Variants in SLC4A4 observed in about 807,000 individuals in gnomAD.
SLC4A4 encodes electrogenic sodium bicarbonate cotransporter 1.
A neutral mutation model predicts 111.5 loss-of-function variants in SLC4A4; 27 were observed. That is an observed-to-expected ratio of 0.24 (90% CI 0.18 to 0.33). SLC4A4 has a LOEUF of 0.33. Among genes scored for constraint, SLC4A4 ranks in the 10% least tolerant of loss-of-function variants. SLC4A4 has a pLI of 1.00. For synonymous variants in SLC4A4, 443 were observed against 463.4 expected, an observed-to-expected ratio of 0.96 and a Z score of 0.57; for missense variants, 909 against 1,315.5, an observed-to-expected ratio of 0.69 and a Z score of 4.78.
intron 16 of SLC4A4, among the ~76,000 whole-genome samples, chr4:71,510,254 A>G (rs183202800): frequency 6.6e-6 from 1 of 152,348 alleles, no homozygotes; most frequent in Admixed American, 6.5e-5. Context: ...ACGAAGCAGA[A>G]GGATGCCTTT....
intron 7 of SLC4A4, among the ~76,000 whole-genome samples, chr4:71,402,032 T>C (rs1470382972): frequency 6.6e-6 from 1 of 152,224 alleles, no homozygotes; most frequent in African/African-American, 2.4e-5. Flanking sequence ...CTAAAGCATA[T>C]TAGAATCATT....
chr4:71,239,907 ATATT>A (rs1302179723), intron 2 of SLC4A4, among the ~76,000 whole-genome samples: 1 of 152,132 alleles, frequency 6.6e-6, no homozygotes, highest in African/African-American at 2.4e-5. Flanking sequence ...TCAGATATTC[ATATT>A]TATTTCTTTA....
intron 3 of SLC4A4, among the ~76,000 whole-genome samples, chr4:71,260,871 A>G (rs141017979): frequency 8.5e-5 from 13 of 152,358 alleles, no homozygotes; most frequent in African/African-American, 1.9e-4. Context: ...CACTGCATGT[A>G]GTCAGCAATA....
intron 1 of SLC4A4, among the ~76,000 whole-genome samples, chr4:71,088,631 C>T (rs923825721): frequency 1.3e-5 from 2 of 151,964 alleles, no homozygotes; most frequent in Non-Finnish European, 2.9e-5. Context: ...ATTTGCTTGT[C>T]TGTAAAGGAT....
chr4:71,362,874 C>T (rs1730920529), intron 6 of SLC4A4, among the ~76,000 whole-genome samples: 1 of 152,138 alleles, frequency 6.6e-6, no homozygotes, highest in Non-Finnish European at 1.5e-5. Flanking sequence ...ATGCCTTCTC[C>T]TGGTGCCCGT....
chr4:71,566,706 C>A (rs1737500441), intron 24 of SLC4A4, among the ~76,000 whole-genome samples: 1 of 151,592 alleles, frequency 6.6e-6, no homozygotes. Context: ...GAAGGAAATC[C>A]AAAAGCAAGC....
chr4:71,164,872 A>G (rs1578541516), intron 2 of SLC4A4, among the ~76,000 whole-genome samples: 1 of 151,166 alleles, frequency 6.6e-6, no homozygotes, highest in Non-Finnish European at 1.5e-5. Flanking sequence ...AAACAAAAAA[A>G]CCATCAAAAA....
intron 1 of SLC4A4, among the ~76,000 whole-genome samples, chr4:71,068,735 G>C (rs939271086): frequency 6.6e-6 from 1 of 151,678 alleles, no homozygotes; most frequent in Non-Finnish European, 1.5e-5. Context: ...CTAATTTTTT[G>C]CATTTTTTTG....
chr4:71,246,782 G>A (rs1720692213), intron 2 of SLC4A4, among the ~76,000 whole-genome samples: 1 of 152,090 alleles, frequency 6.6e-6, no homozygotes. Context: ...AGGGATGGGT[G>A]GAGGACTGGT....
intron 7 of SLC4A4, among the ~76,000 whole-genome samples, chr4:71,426,928 A>G (rs182584593): frequency 6.6e-6 from 1 of 152,212 alleles, no homozygotes; most frequent in East Asian, 1.9e-4. Flanking sequence ...ACCCTTAAGT[A>G]TTCCCCACCA....
intron 20 of SLC4A4, among the ~76,000 whole-genome samples, chr4:71,551,118 C>T (rs1361340490): frequency 1.3e-5 from 2 of 151,824 alleles, no homozygotes; most frequent in Non-Finnish European, 2.9e-5. Context: ...GGCTAAAGAG[C>T]ATCAAAAAGA....
At chr4:71,258,894 G>A (rs957087995) in intron 3 of SLC4A4, among the ~76,000 whole-genome samples, 1 of 152,130 alleles carries the variant, frequency 6.6e-6, no homozygotes, top group Non-Finnish European at 1.5e-5. Flanking sequence ...TGAACCGCAA[G>A]GCACATTAAT....
chr4:71,212,068 C>G (rs1718169783), intron 1 of SLC4A4, among the ~76,000 whole-genome samples: 1 of 152,170 alleles, frequency 6.6e-6, no homozygotes, highest in African/African-American at 2.4e-5. Flanking sequence ...AAGATGCCAT[C>G]TAAGAAAATC....
At chr4:71,093,786 T>TA (rs1475352741) in intron 2 of SLC4A4, among the ~76,000 whole-genome samples, 3 of 152,196 alleles carry the variant, frequency 2.0e-5, no homozygotes, top group Admixed American at 6.5e-5. Flanking sequence ...TTGTTGGTCT[T>TA]ACAATGGTGG....
At chr4:71,300,948 C>A (rs766897260) in intron 3 of SLC4A4, 1 of 520,574 alleles carries the variant, frequency 1.9e-6, no homozygotes. Context: ...GTTGTTAGTG[C>A]CATAGATCAG....
chr4:71,116,802 G>A (rs992198342), intron 2 of SLC4A4, among the ~76,000 whole-genome samples: 3 of 152,108 alleles, frequency 2.0e-5, no homozygotes, highest in Non-Finnish European at 4.4e-5. Context: ...AATTAGTTGG[G>A]CATGATGGCA....
chr4:71,134,261 C>T (rs1417902945), intron 2 of SLC4A4, among the ~76,000 whole-genome samples: 1 of 152,192 alleles, frequency 6.6e-6, no homozygotes, highest in African/African-American at 2.4e-5. Context: ...AAGCTATACT[C>T]CCAGATTCCT....
At chr4:71,495,017 T>C (rs1452000476) in intron 15 of SLC4A4, among the ~76,000 whole-genome samples, 2 of 152,116 alleles carry the variant, frequency 1.3e-5, no homozygotes, top group African/African-American at 4.8e-5. Context: ...ATGCCAAATA[T>C]GCTGAGATAT....
chr4:71,069,870 C>T (rs1466831000), intron 1 of SLC4A4, among the ~76,000 whole-genome samples: 1 of 152,018 alleles, frequency 6.6e-6, no homozygotes, highest in Non-Finnish European at 1.5e-5. Context: ...ATTTAATTTT[C>T]TTAATGAATA....
Sources: gnomAD v4.1 joint callset for allele counts (sites outside exome capture counted in the v4.1 genomes callset) on GRCh38, gnomAD v4.1.1 for gene constraint, MANE v1.5 for transcripts, NCBI Gene and HGNC (gene_info 2026-07-23, HGNC 2026-07-21) for gene names.